The following ASTN2 variants were observed in gnomAD, a reference collection of about 807,000 sequenced individuals.
ASTN2 encodes astrotactin 2.
A neutral mutation model predicts 139.8 loss-of-function variants in ASTN2; 54 were observed. That is an observed-to-expected ratio of 0.39 (90% CI 0.31 to 0.48). The LOEUF (loss-of-function observed/expected upper bound fraction) is 0.48, where lower values mean the gene tolerates loss of function less well. ASTN2 is among the 20% of genes least tolerant of loss of function. The pLI, the probability that ASTN2 is intolerant of heterozygous loss-of-function variation, is 0.95. For synonymous variants in ASTN2, 756 were observed against 719.5 expected, an observed-to-expected ratio of 1.05 and a Z score of -0.81; for missense variants, 1,565 against 1,725.1, an observed-to-expected ratio of 0.91 and a Z score of 1.64.
intron 19 of ASTN2, among the ~76,000 whole-genome samples, chr9:116,561,379 T>C (rs1318391320): frequency 6.6e-6 from 1 of 152,202 alleles, no homozygotes; most frequent in African/African-American, 2.4e-5. Flanking sequence ...TCAAGTAGAA[T>C]AAAATATATT....
At position 116,725,957 on chromosome 9, in the gene ASTN2, A is replaced by G. The variant is rs1167079700; in HGVS notation, c.2627-7T>C. The G allele has an allele frequency of 1.2e-6, 2 of 1,608,188 alleles. No individual in the cohort carries two copies. The highest frequency in any genetic ancestry group is 1.7e-4 in the Middle Eastern group (1 of 5,742). On this transcript the variant is annotated splice_polypyrimidine_tract_variant and splice_region_variant and intron_variant, in intron 15 of 22. Transcript: ENST00000313400. ...TTGAGAACATTAGTGAAGCCTGGAC[A>G]AGAGAGGAGCATGTGGAGGTGGTCA...
intron 7 of ASTN2, among the ~76,000 whole-genome samples, chr9:116,987,308 G>A (rs1588461407): frequency 1.3e-5 from 2 of 152,334 alleles, no homozygotes; most frequent in East Asian, 1.9e-4. Context: ...CCTTAAACAA[G>A]GATAAATGGG....
At chr9:117,172,184 C>T (rs1830810346) in intron 3 of ASTN2, among the ~76,000 whole-genome samples, 1 of 152,092 alleles carries the variant, frequency 6.6e-6, no homozygotes, top group Admixed American at 6.6e-5. Flanking sequence ...TATCATAAGG[C>T]TGCCCAGCAG....
In ASTN2 at chr9:117,211,698, T is replaced by G. The variant is rs1046387313; in HGVS notation, c.1015+2660A>C. The stretch of plus-strand genomic sequence containing the variant: ...ACTAATAACTAACTGATAAAAAAAT[T>G]CGGAAAAGTTCTAGGATGCAAAATC... On this transcript the variant is annotated intron_variant, in intron 3 of 22. Transcript: ENST00000313400. Among the ~76,000 whole-genome samples the G allele has an allele frequency of 4.6e-5, 7 of 152,096 alleles. 1 individual carries two copies. The highest frequency in any genetic ancestry group is 2.6e-4 in the Admixed American group (4 of 15,258).
At chr9:116,975,160 C>T in intron 10 of ASTN2, 48 bp downstream of exon 10, 1 of 1,489,568 alleles carries the variant, frequency 6.7e-7, no homozygotes, top group East Asian at 2.4e-5. Flanking sequence ...GGGGGACTTC[C>T]AAGGTTTTAA....
intron 22 of ASTN2, among the ~76,000 whole-genome samples, chr9:116,439,607 GT>G (rs1255412332): frequency 1.3e-5 from 2 of 152,192 alleles, no homozygotes; most frequent in Non-Finnish European, 2.9e-5. Context: ...GTGATCAAAA[GT>G]TGAGAAGAAA....
chr9:116,520,471 C>T (rs1473416025), intron 19 of ASTN2, among the ~76,000 whole-genome samples: 1 of 152,048 alleles, frequency 6.6e-6, no homozygotes, highest in Non-Finnish European at 1.5e-5. Flanking sequence ...TTAAAACTCT[C>T]AGCAAAATCG....
intron 19 of ASTN2, among the ~76,000 whole-genome samples, chr9:116,567,821 T>G (rs1853311799): frequency 6.6e-6 from 1 of 152,170 alleles, no homozygotes; most frequent in Admixed American, 6.5e-5. Context: ...GGCTGTATGC[T>G]AGGCACTTTC....
At chr9:116,599,178 T>C (rs1363241612) in intron 19 of ASTN2, among the ~76,000 whole-genome samples, 1 of 152,210 alleles carries the variant, frequency 6.6e-6, no homozygotes, top group Non-Finnish European at 1.5e-5. Context: ...TCAACTCTCC[T>C]GCCTACTGCT....
At chr9:116,686,639 G>C (rs1860226875) in intron 16 of ASTN2, 6 of 1,501,598 alleles carry the variant, frequency 4.0e-6, no homozygotes, top group Admixed American at 2.0e-5. Flanking sequence ...CTCCCACCTG[G>C]TAAGATTCCT....
At chr9:116,862,468 A>T (rs1455089131) in intron 11 of ASTN2, among the ~76,000 whole-genome samples, 2 of 152,160 alleles carry the variant, frequency 1.3e-5, no homozygotes, top group Non-Finnish European at 2.9e-5. Flanking sequence ...TACTGTATGG[A>T]AAAGAGGGTC....
At position 116,632,252 on chromosome 9, in the gene ASTN2, G is replaced by GGAAAGAAAGAAAGAAAGAAAGAAAGAAA. The variant is rs1170260019; in HGVS notation, c.3073-11837_3073-11810dup. Among the ~76,000 whole-genome samples the GGAAAGAAAGAAAGAAAGAAAGAAAGAAA allele has an allele frequency of 2.5e-3, 177 of 70,838 alleles. 1 individual carries two copies. Among genetic ancestry groups the GGAAAGAAAGAAAGAAAGAAAGAAAGAAA allele is most frequent in the Non-Finnish European group, 3.4e-3 (135 of 39,440 alleles). 46.5% of individuals were successfully genotyped at this position (70,838 alleles called of 152,430 possible). On this transcript the variant is annotated intron_variant, in intron 17 of 22. Transcript: ENST00000313400. ...AAGAAAGAAAGAAAGAAAGAAAGAA[G>GGAAAGAAAGAAAGAAAGAAAGAAAGAAA]GAAAGAAAGAAAGAAAGAAAGAAAG...
intron 5 of ASTN2, among the ~76,000 whole-genome samples, chr9:117,084,528 A>C (rs188076995): frequency 6.6e-6 from 1 of 152,252 alleles, no homozygotes; most frequent in Non-Finnish European, 1.5e-5. Context: ...ATCTTGAAGA[A>C]GCTACTCTGT....
intron 1 of ASTN2, among the ~76,000 whole-genome samples, chr9:117,330,042 C>T (rs2130846808): frequency 6.6e-6 from 1 of 152,248 alleles, no homozygotes; most frequent in Admixed American, 6.5e-5. Context: ...TGGACTCAAG[C>T]CCAGGTCTTA....
intron 17 of ASTN2, among the ~76,000 whole-genome samples, chr9:116,635,087 C>T (rs1857009463): frequency 6.6e-6 from 1 of 152,188 alleles, no homozygotes; most frequent in Admixed American, 6.5e-5. Flanking sequence ...ATTATTACCT[C>T]CACTGAGGTT....
At chr9:116,516,138 T>C (rs1470796102) in intron 19 of ASTN2, among the ~76,000 whole-genome samples, 1 of 152,100 alleles carries the variant, frequency 6.6e-6, no homozygotes, top group Non-Finnish European at 1.5e-5. Context: ...CATCTAGAAG[T>C]CACACACCTG....
At chr9:117,297,099 C>A (rs1171593065) in intron 1 of ASTN2, among the ~76,000 whole-genome samples, 1 of 152,214 alleles carries the variant, frequency 6.6e-6, no homozygotes, top group Non-Finnish European at 1.5e-5. Context: ...ATAAGCAGCT[C>A]TTCTCATCAC....
intron 11 of ASTN2, among the ~76,000 whole-genome samples, chr9:116,855,785 A>T (rs1832723946): frequency 6.6e-6 from 1 of 152,164 alleles, no homozygotes; most frequent in Non-Finnish European, 1.5e-5. Flanking sequence ...CTATTTCCTC[A>T]TGGATAAAAT....
In ASTN2 at chr9:116,733,433, G is replaced by A. The variant is rs1158374911; in HGVS notation, c.2487C>T (p.Leu829=). ...LPVEEQCRGV[L]SEPLPDLQLL... is the part of the protein sequence containing the mutation. ...GTTGGAGGTCTGGAAGGGGCTCGGA[G>A]AGGACCCCCCGGCACTGCTCCTCCA... is the stretch of plus-strand genomic sequence containing the variant. Residue 829 remains leucine, a synonymous_variant, in exon 14 of 23, where the codon CTC becomes CTT. Coordinates refer to ENST00000313400, the MANE Select transcript of ASTN2 (RefSeq NM_001365068.1). 2 of 1,614,168 alleles carry A rather than the reference G, an allele frequency of 1.2e-6. No homozygotes were observed. Among genetic ancestry groups the A allele is most frequent in the East Asian group, 2.2e-5 (1 of 44,874 alleles).
Sources: gnomAD v4.1 joint callset for allele counts (sites outside exome capture counted in the v4.1 genomes callset) on GRCh38, gnomAD v4.1.1 for gene constraint, MANE v1.5 for transcripts, NCBI Gene and HGNC (gene_info 2026-07-23, HGNC 2026-07-21) for gene names.